The following NCOA7 variants were observed in gnomAD, a reference collection of about 807,000 sequenced individuals.
The protein encoded by NCOA7 is 140 kDa estrogen receptor-associated protein.
A neutral mutation model predicts 104.3 loss-of-function variants in NCOA7; 45 were observed. That is an observed-to-expected ratio of 0.43 (90% confidence interval 0.34 to 0.55). The LOEUF is 0.55. NCOA7 is among the 20% of genes least tolerant of loss of function. NCOA7 has a pLI of 0.02. For missense variants in NCOA7, 1,041 were observed against 1,119.7 expected (o/e 0.93, Z 1.00); for synonymous variants, 398 against 402.3 (o/e 0.99, Z 0.13).
intron 13 of NCOA7, 129 bp downstream of exon 13, chr6:125,922,963 TTTTATC>T: frequency 1.2e-6 from 1 of 824,466 alleles, no homozygotes; most frequent in Non-Finnish European, 1.8e-6. Context: ...CTTCTGTGTC[TTTTATC>T]TTTGTTTTTT....
At chr6:125,892,696 C>T (rs1784717305) in intron 10 of NCOA7, among the ~76,000 whole-genome samples, 1 of 151,896 alleles carries the variant, frequency 6.6e-6, no homozygotes, top group Admixed American at 6.6e-5. Context: ...AATAAACAAA[C>T]AAAAAAAGCA....
At chr6:125,870,480 T>G (rs1200678332) in intron 3 of NCOA7, among the ~76,000 whole-genome samples, 3 of 152,210 alleles carry the variant, frequency 2.0e-5, no homozygotes, top group Non-Finnish European at 4.4e-5. Flanking sequence ...TTTCCCCCTT[T>G]ATATCAGCCA....
chr6:125,832,835 C>T (rs1198022523), intron 2 of NCOA7, among the ~76,000 whole-genome samples: 1 of 152,206 alleles, frequency 6.6e-6, no homozygotes, highest in Non-Finnish European at 1.5e-5. Flanking sequence ...GATCTCTCAG[C>T]CACCTTGTTA....
chr6:125,829,701 C>T (rs1778987980), intron 2 of NCOA7, among the ~76,000 whole-genome samples: 1 of 152,102 alleles, frequency 6.6e-6, no homozygotes, highest in Admixed American at 6.5e-5. Flanking sequence ...CACTGTTTCA[C>T]AGTGGCTTTA....
intron 2 of NCOA7, among the ~76,000 whole-genome samples, chr6:125,848,116 G>T (rs2128612055): frequency 6.6e-6 from 1 of 152,342 alleles, no homozygotes; most frequent in East Asian, 1.9e-4. Context: ...TCTTACGCCA[G>T]TTATAATGGC....
intron 1 of NCOA7, among the ~76,000 whole-genome samples, chr6:125,805,556 G>T (rs1776369048): frequency 6.6e-6 from 1 of 152,146 alleles, no homozygotes; most frequent in Admixed American, 6.5e-5. Flanking sequence ...ATGGCTATTT[G>T]ACCTTGAATA....
chr6:125,795,927 C>T (rs968811298), intron 1 of NCOA7, among the ~76,000 whole-genome samples: 2 of 152,058 alleles, frequency 1.3e-5, no homozygotes, highest in African/African-American at 4.8e-5. Flanking sequence ...TTTGTGGACC[C>T]CCAAGTTAAA....
At chr6:125,899,372 CT>C (rs1310864518) in intron 10 of NCOA7, among the ~76,000 whole-genome samples, 1 of 152,224 alleles carries the variant, frequency 6.6e-6, no homozygotes, top group Non-Finnish European at 1.5e-5. Flanking sequence ...AACCTGGAAT[CT>C]TTAATGCCTC....
chr6:125,796,012 C>T (rs1227610553), intron 1 of NCOA7, among the ~76,000 whole-genome samples: 2 of 152,108 alleles, frequency 1.3e-5, no homozygotes, highest in African/African-American at 2.4e-5. Context: ...CTTCTCCATG[C>T]TGTTCCCTCT....
At chr6:125,845,605 C>T (rs976940801) in intron 2 of NCOA7, among the ~76,000 whole-genome samples, 2 of 152,104 alleles carry the variant, frequency 1.3e-5, no homozygotes, top group Non-Finnish European at 2.9e-5. Context: ...GAAACCCCAT[C>T]TCTACTAAAA....
rs57168444 is a variant in NCOA7, at chr6:125,840,868, G to GTTTTTTTTTTTTT, written c.51-14122_51-14110dup. ...TTTTATGGTTTTTTTTGTTTGGTTG[G>GTTTTTTTTTTTTT]TTTTTTTTTTTTTTTTTTTTTTTTT... On this transcript the variant is annotated intron_variant, in intron 2 of 15. Coordinates refer to ENST00000392477, the MANE Select transcript of NCOA7 (RefSeq NM_181782.5). Among the ~76,000 whole-genome samples, 29 of 40,374 alleles carry GTTTTTTTTTTTTT rather than the reference G, an allele frequency of 7.2e-4. 4 individuals carry two copies. Among genetic ancestry groups the GTTTTTTTTTTTTT allele is most frequent in the South Asian group, 1.3e-3 (1 of 800 alleles). The allele number at this position is 40,374 out of a possible 152,430, so 26.5% of individuals were successfully genotyped here.
At chr6:125,848,353 A>G (rs994646492) in intron 2 of NCOA7, among the ~76,000 whole-genome samples, 1 of 152,206 alleles carries the variant, frequency 6.6e-6, no homozygotes, top group African/African-American at 2.4e-5. Context: ...ATGCACATGT[A>G]TGTTTATTGC....
In NCOA7 at chr6:125,889,877, C is replaced by T; in HGVS notation, c.1823C>T (p.Ser608Phe). The change falls in exon 9 of 16, where the codon TCC becomes TTC. Residue 608 changes from serine (S) to phenylalanine (F), a missense_variant. Physicochemically the swap from Ser to Phe is radical, Grantham distance 155 (BLOSUM62 -2). Coordinates refer to ENST00000392477, the MANE Select transcript of NCOA7 (RefSeq NM_181782.5). ...AATGTGATTAAAGAGGCTCTAGACT[C>T]CTCTTTGGAATCTACTCTGGACAAC... Reference protein sequence around the residue: ...EANVIKEALDSSLESTLDNSC... With the variant: ...EANVIKEALDFSLESTLDNSC... 2 of 1,612,438 alleles carry T rather than the reference C, an allele frequency of 1.2e-6. No individual in the cohort carries two copies. Among genetic ancestry groups the T allele is most frequent in the African/African-American group, 2.7e-5 (2 of 74,932 alleles).
intron 11 of NCOA7, among the ~76,000 whole-genome samples, chr6:125,916,929 A>G (rs751075004): frequency 4.6e-5 from 7 of 152,132 alleles, no homozygotes; most frequent in African/African-American, 1.2e-4. Flanking sequence ...TTAATAGTCA[A>G]TTTTTTTCCA....
At chr6:125,866,642 C>G (rs1443849284) in intron 3 of NCOA7, among the ~76,000 whole-genome samples, 1 of 152,190 alleles carries the variant, frequency 6.6e-6, no homozygotes, top group East Asian at 1.9e-4. Flanking sequence ...TAGACCAGGA[C>G]TCTCATTCAC....
intron 2 of NCOA7, among the ~76,000 whole-genome samples, chr6:125,851,848 T>C (rs967328817): frequency 6.6e-6 from 1 of 152,196 alleles, no homozygotes; most frequent in South Asian, 2.1e-4. Context: ...TGATTCGTGA[T>C]ATAGAGCATT....
intron 3 of NCOA7, among the ~76,000 whole-genome samples, chr6:125,866,952 T>C (rs1782490111): frequency 6.6e-6 from 1 of 152,250 alleles, no homozygotes; most frequent in African/African-American, 2.4e-5. Context: ...AATTATTTTT[T>C]ATTTAAATTG....
chr6:125,874,562 C>T (rs984496531), intron 3 of NCOA7, among the ~76,000 whole-genome samples: 6 of 152,162 alleles, frequency 3.9e-5, no homozygotes, highest in African/African-American at 1.4e-4. Context: ...AAGGACTGTA[C>T]TCATTTACAT....
chr6:125,927,847 T>C, intron 14 of NCOA7, 89 bp downstream of exon 14: 2 of 1,087,336 alleles, frequency 1.8e-6, no homozygotes, highest in East Asian at 2.4e-5. Flanking sequence ...CTAGCTGTCC[T>C]GTAACTTCTC....
Sources: allele counts gnomAD v4.1 joint callset (sites outside exome capture counted in the v4.1 genomes callset), GRCh38; gene constraint gnomAD v4.1.1; transcripts MANE v1.5; gene names NCBI Gene and HGNC (gene_info 2026-07-23, HGNC 2026-07-21).